The following TSNAX variants were observed in gnomAD, a reference collection of about 807,000 sequenced individuals.
The protein encoded by TSNAX is translin-associated protein X.
In TSNAX, 12 loss-of-function variants were observed where a neutral mutation model predicts 33.0. The observed-to-expected ratio is 0.36, with a 90% confidence interval of 0.23 to 0.59. The LOEUF (loss-of-function observed/expected upper bound fraction) is 0.59. Ranked by LOEUF, TSNAX falls within the 20% of genes least tolerant of loss-of-function variation. The pLI is 0.74. For missense variants in TSNAX, 267 were observed against 341.3 expected, an observed-to-expected ratio of 0.78 and a Z score of 1.72; for synonymous variants, 110 against 117.2, an observed-to-expected ratio of 0.94 and a Z score of 0.40.
chr1:231,546,247 C>T (rs200971791), intron 4 of TSNAX, among the ~76,000 whole-genome samples: 10 of 152,144 alleles, frequency 6.6e-5, no homozygotes, highest in Non-Finnish European at 1.2e-4. Context: ...GAATGAAGAA[C>T]AAAACTAATT....
At chr1:231,560,145 A>G (rs1413761757) in intron 4 of TSNAX, among the ~76,000 whole-genome samples, 1 of 151,096 alleles carries the variant, frequency 6.6e-6, no homozygotes, top group Non-Finnish European at 1.5e-5. Flanking sequence ...ACGCCCGGCT[A>G]AGTTTTTTTA....
At chr1:231,559,430 G>A (rs1428591238) in intron 4 of TSNAX, among the ~76,000 whole-genome samples, 3 of 152,066 alleles carry the variant, frequency 2.0e-5, no homozygotes, top group African/African-American at 7.2e-5. Context: ...CCGGGTTCAC[G>A]CCATTCTCCT....
intron 2 of TSNAX, among the ~76,000 whole-genome samples, chr1:231,530,111 T>C (rs1445528162): frequency 6.6e-6 from 1 of 152,208 alleles, no homozygotes; most frequent in African/African-American, 2.4e-5. Context: ...GTGTGGCATC[T>C]GGCCTCCTTC....
At chr1:231,550,704 C>T (rs898429733) in intron 4 of TSNAX, among the ~76,000 whole-genome samples, 2 of 152,096 alleles carry the variant, frequency 1.3e-5, no homozygotes, top group Non-Finnish European at 1.5e-5. Context: ...CTACTCCTTT[C>T]GTCCCCTATT....
At chr1:231,529,802 CAT>C (rs1658539457) in intron 2 of TSNAX, among the ~76,000 whole-genome samples, 1 of 152,228 alleles carries the variant, frequency 6.6e-6, no homozygotes, top group Non-Finnish European at 1.5e-5. Flanking sequence ...TCTATATACA[CAT>C]ATTTTCACAG....
intron 4 of TSNAX, among the ~76,000 whole-genome samples, chr1:231,546,011 C>A (rs1210367800): frequency 6.6e-6 from 1 of 152,176 alleles, no homozygotes; most frequent in Non-Finnish European, 1.5e-5. Flanking sequence ...TTGCTTACCC[C>A]AAATACTGAG....
At chr1:231,533,692 T>C (rs1294607068) in intron 2 of TSNAX, among the ~76,000 whole-genome samples, 1 of 152,216 alleles carries the variant, frequency 6.6e-6, no homozygotes, top group African/African-American at 2.4e-5. Context: ...CTGTATAGAC[T>C]TGACTTAGAT....
In TSNAX at chr1:231,528,730, G is replaced by C; in HGVS notation, c.-81G>C. The C allele has an allele frequency of 1.3e-6, 2 of 1,568,766 alleles. No homozygotes were observed. The highest frequency in any genetic ancestry group is 1.1e-5 in the South Asian group (1 of 89,682). ...GTTTTTCTGCAGGCTGTTTTCCCAG[G>C]TTCCCTCGGCCTGTACCTCGCGCAC... On this transcript the variant is annotated 5_prime_UTR_variant, in exon 1 of 6. Coordinates refer to ENST00000366639, the MANE Select transcript of TSNAX (RefSeq NM_005999.3).
chr1:231,528,932 T>C, intron 1 of TSNAX, 106 bp downstream of exon 1: 1 of 1,459,412 alleles, frequency 6.9e-7, no homozygotes, highest in South Asian at 1.2e-5. Flanking sequence ...CTTCGTCCCT[T>C]GTAGACTCGG....
chr1:231,542,388 C>T (rs1411539513), intron 3 of TSNAX, 93 bp from the exon 4 acceptor site: 14 of 1,338,206 alleles, frequency 1.0e-5, no homozygotes, highest in African/African-American at 1.5e-5. Flanking sequence ...TGAATGCATA[C>T]AATATTTAGC....
chr1:231,557,723 C>T (rs1462835590), intron 4 of TSNAX, among the ~76,000 whole-genome samples: 1 of 152,108 alleles, frequency 6.6e-6, no homozygotes, highest in Non-Finnish European at 1.5e-5. Context: ...GTGAAGCTCC[C>T]AGCTGGTACT....
At chr1:231,528,976 C>A in intron 1 of TSNAX, 150 bp downstream of exon 1, 2 of 1,101,536 alleles carry the variant, frequency 1.8e-6, no homozygotes, top group Non-Finnish European at 2.7e-6. Context: ...CCGGCCAGAT[C>A]GGCCCTGTTT....
At chr1:231,528,897 T>TC in intron 1 of TSNAX, 71 bp downstream of exon 1, 1 of 1,599,058 alleles carries the variant, frequency 6.3e-7, no homozygotes, top group Non-Finnish European at 8.6e-7. Context: ...TATGCAGTTT[T>TC]CCCCTTTTCA....
In TSNAX at chr1:231,565,051, T is replaced by A; in HGVS notation, c.*146T>A. 1.0e-6 allele frequency: 1 copy of A among 999,100 alleles called. No homozygotes were observed. Among genetic ancestry groups the A allele is most frequent in the Non-Finnish European group, 1.4e-6 (1 of 706,206 alleles). 61.9% of individuals were successfully genotyped at this position (999,100 alleles called of 1,614,324 possible). ...CTTGTTTTAAATTGTATACAAGCTG[T>A]ACATAAAATTAGCCAAATGAATCAT... On this transcript the variant is annotated 3_prime_UTR_variant, in exon 6 of 6. Coordinates refer to ENST00000366639, the MANE Select transcript of TSNAX (RefSeq NM_005999.3).
intron 4 of TSNAX, among the ~76,000 whole-genome samples, chr1:231,558,584 T>G (rs544046560): frequency 2.6e-5 from 4 of 152,288 alleles, no homozygotes; most frequent in African/African-American, 9.6e-5. Flanking sequence ...ATCTTCTTGT[T>G]TAGCTCATAA....
intron 4 of TSNAX, among the ~76,000 whole-genome samples, chr1:231,545,193 A>G (rs1023872401): frequency 1.3e-5 from 2 of 152,224 alleles, no homozygotes; most frequent in Non-Finnish European, 2.9e-5. Context: ...AGCATTAACA[A>G]TATGATGCTT....
At chr1:231,541,370 G>T (rs1454838091) in intron 3 of TSNAX, among the ~76,000 whole-genome samples, 3 of 152,114 alleles carry the variant, frequency 2.0e-5, no homozygotes, top group Admixed American at 1.3e-4. Flanking sequence ...GCCAGTGAAG[G>T]TCACAGTTTT....
At chr1:231,557,988 T>C (rs1660798711) in intron 4 of TSNAX, among the ~76,000 whole-genome samples, 1 of 152,026 alleles carries the variant, frequency 6.6e-6, no homozygotes, top group African/African-American at 2.4e-5. Context: ...GAATCTCAGA[T>C]AGAGTGAGCA....
At chr1:231,554,533 A>C (rs1660568660) in intron 4 of TSNAX, 1 of 152,200 alleles carries the variant, frequency 6.6e-6, no homozygotes, top group African/African-American at 2.4e-5. Flanking sequence ...GAAACATTTA[A>C]TTGAAGTACA....
Sources: gnomAD v4.1 joint callset for allele counts (sites outside exome capture counted in the v4.1 genomes callset) on GRCh38, gnomAD v4.1.1 for gene constraint, MANE v1.5 for transcripts, NCBI Gene and HGNC (gene_info 2026-07-23, HGNC 2026-07-21) for gene names.